WNK1: variants seen among roughly 807,000 people sequenced by gnomAD.
The protein encoded by WNK1 is serine/threonine-protein kinase WNK1.
A neutral mutation model predicts 222.8 loss-of-function variants in WNK1; 38 were observed. The ratio of observed to expected loss-of-function variants is 0.17; its 90% CI spans 0.13 to 0.22. WNK1 has a LOEUF of 0.22. Ranked by LOEUF, WNK1 falls within the 10% of genes least tolerant of loss-of-function variation. The pLI, the probability that WNK1 is intolerant of heterozygous loss-of-function variation, is 1.00. For missense variants in WNK1, 2,348 were observed against 2,918.4 expected (o/e 0.80, Z 4.50); for synonymous variants, 1,090 against 1,092.9 (o/e 1.00, Z 0.05).
intron 1 of WNK1, among the ~76,000 whole-genome samples, chr12:790,412 G>C (rs957928681): frequency 1.2e-4 from 18 of 152,150 alleles, no homozygotes; most frequent in Admixed American, 2.6e-4. Flanking sequence ...TCTGGAGAAA[G>C]TGGTCTGTAA....
chr12:907,320 C>A (rs868377850), intron 26 of WNK1, among the ~76,000 whole-genome samples: 339 of 121,066 alleles, frequency 2.8e-3, no homozygotes, highest in Middle Eastern at 8.4e-3. Flanking sequence ...GACTCCATCT[C>A]AAAAAAAAAA....
intron 8 of WNK1, among the ~76,000 whole-genome samples, chr12:869,896 A>T (rs1951997695): frequency 6.6e-6 from 1 of 152,100 alleles, no homozygotes; most frequent in East Asian, 1.9e-4. Context: ...TTCCTCAACA[A>T]ATTTAATTTT....
intron 4 of WNK1, among the ~76,000 whole-genome samples, chr12:854,801 A>G (rs114334526): frequency 0.012 from 1,777 of 152,314 alleles, 37 homozygotes; most frequent in African/African-American, 0.041. Flanking sequence ...AAATTTGAAG[A>G]TGCTCAAGTT....
intron 3 of WNK1, among the ~76,000 whole-genome samples, chr12:829,032 G>A (rs190700576): frequency 2.9e-4 from 44 of 152,304 alleles, no homozygotes; most frequent in Non-Finnish European, 6.0e-4. Context: ...GTCATTTAAA[G>A]CTGAATTTCT....
At chr12:771,700 G>A (rs1389593770) in intron 1 of WNK1, among the ~76,000 whole-genome samples, 1 of 152,142 alleles carries the variant, frequency 6.6e-6, no homozygotes, top group African/African-American at 2.4e-5. Context: ...CTCCCAAAGT[G>A]TTGGGATTAC....
intron 4 of WNK1, among the ~76,000 whole-genome samples, chr12:831,255 G>A (rs1565490494): frequency 6.6e-6 from 1 of 152,022 alleles, no homozygotes; most frequent in South Asian, 2.1e-4. Flanking sequence ...TTCATTTGTA[G>A]GGCCGGGCGT....
Position 884,340 on chromosome 12 carries a change from A to G in WNK1, c.3844+97A>G. On this transcript the variant is annotated intron_variant, in intron 18 of 27. Coordinates refer to ENST00000315939, the MANE Select transcript of WNK1 (RefSeq NM_018979.4). This position sits in a 1 kb window ranked among gnomAD's most constrained non-coding sequence, Gnocchi z 5.6. Reference sequence around the variant, plus strand: ...AAAGCAGTAATTTATGATGACACAGATAATAAAAAAGAATAGAAAACTGAA... The same window carrying G: ...AAAGCAGTAATTTATGATGACACAGGTAATAAAAAAGAATAGAAAACTGAA... 1.3e-6 allele frequency: 2 copies of G among 1,554,030 alleles called. No individual in the cohort carries two copies. The highest frequency in any genetic ancestry group is 1.8e-6 in the Non-Finnish European group (2 of 1,130,814).
At chr12:757,048 G>T (rs1369834168) in intron 1 of WNK1, among the ~76,000 whole-genome samples, 1 of 152,164 alleles carries the variant, frequency 6.6e-6, no homozygotes, top group Non-Finnish European at 1.5e-5. Context: ...TAGTCCAGTA[G>T]ATGGCTAATA....
chr12:797,248 ACTGTGTT>A, intron 1 of WNK1, among the ~76,000 whole-genome samples: 1 of 152,076 alleles, frequency 6.6e-6, no homozygotes, highest in African/African-American at 2.4e-5. Flanking sequence ...TACTGTGATT[ACTGTGTT>A]CTTTAAGGCT....
At chr12:883,291 T>C in intron 15 of WNK1, 104 bp from the exon 16 acceptor site, 1 of 1,359,638 alleles carries the variant, frequency 7.4e-7, no homozygotes, top group Non-Finnish European at 1.0e-6. Context: ...GAGTACAAAA[T>C]AAATAAAAAT....
chr12:841,009 A>G (rs1949587872), intron 4 of WNK1, among the ~76,000 whole-genome samples: 1 of 152,264 alleles, frequency 6.6e-6, no homozygotes. Flanking sequence ...CAGAACCTGG[A>G]AAGACTGGTG....
intron 4 of WNK1, among the ~76,000 whole-genome samples, chr12:850,288 T>C (rs1950323673): frequency 6.6e-6 from 1 of 152,028 alleles, no homozygotes; most frequent in African/African-American, 2.4e-5. Context: ...TATCTCATTG[T>C]GGTTTTGATT....
Position 827,302 on chromosome 12 carries a change from C to T in WNK1, c.1153+40C>T, listed in dbSNP as rs2158502. On this transcript the variant is annotated intron_variant, in intron 3 of 27. Coordinates refer to ENST00000315939, the MANE Select transcript of WNK1 (RefSeq NM_018979.4). This position sits in a 1 kb window ranked among gnomAD's most constrained non-coding sequence, Gnocchi z 4.6. ...TACCTTGGAGCCTGACTGGCTTTCTCACATTCCTTTTATTTAGAATCCTGG... is the reference window on the plus strand; with the variant it reads ...TACCTTGGAGCCTGACTGGCTTTCTTACATTCCTTTTATTTAGAATCCTGG... 1.3e-6 allele frequency: 2 copies of T among 1,553,288 alleles called. No individual in the cohort carries two copies. The highest frequency in any genetic ancestry group is 1.1e-5 in the South Asian group (1 of 89,670).
At chr12:848,867 A>T (rs981737634) in intron 4 of WNK1, among the ~76,000 whole-genome samples, 1 of 152,176 alleles carries the variant, frequency 6.6e-6, no homozygotes, top group Non-Finnish European at 1.5e-5. Flanking sequence ...TATAGAATCT[A>T]GATATTTGTG....
At chr12:816,380 C>G (rs1205905766) in intron 2 of WNK1, among the ~76,000 whole-genome samples, 2 of 152,070 alleles carry the variant, frequency 1.3e-5, no homozygotes, top group Non-Finnish European at 2.9e-5. Context: ...GGGAATCCTT[C>G]CACCTCAGCC....
chr12:862,480 G>A (rs1365350087), intron 8 of WNK1, among the ~76,000 whole-genome samples: 1 of 152,230 alleles, frequency 6.6e-6, no homozygotes, highest in African/African-American at 2.4e-5. Flanking sequence ...CTATGTGCAA[G>A]ATTTAGATTA....
intron 4 of WNK1, among the ~76,000 whole-genome samples, chr12:835,229 C>G (rs1314717950): frequency 6.6e-6 from 1 of 152,088 alleles, no homozygotes; most frequent in Non-Finnish European, 1.5e-5. Flanking sequence ...GTCCCAGCCA[C>G]TGGGAGGCTG....
chr12:767,439 G>C (rs181737108), intron 1 of WNK1, among the ~76,000 whole-genome samples: 2 of 151,706 alleles, frequency 1.3e-5, no homozygotes, highest in African/African-American at 4.8e-5. Context: ...TTTTAGTAGA[G>C]ACGGGGTTTC....
intron 1 of WNK1, among the ~76,000 whole-genome samples, chr12:797,897 C>T (rs1014945173): frequency 2.0e-5 from 3 of 148,858 alleles, no homozygotes; most frequent in South Asian, 2.2e-4. Flanking sequence ...TGCAGTGAGC[C>T]GAGATCGCAC....
Sources: allele counts gnomAD v4.1 joint callset (sites outside exome capture counted in the v4.1 genomes callset), GRCh38; gene constraint gnomAD v4.1.1; non-coding constraint Gnocchi (gnomAD v3.1); transcripts MANE v1.5; gene names NCBI Gene and HGNC (gene_info 2026-07-23, HGNC 2026-07-21).